Variants in RAPGEF2 observed in about 807,000 individuals in gnomAD.
RAPGEF2 encodes PDZ domain containing guanine nucleotide exchange factor (GEF) 1.
RAPGEF2 carries 54 observed loss-of-function variants against 186.7 expected under a neutral mutation model. The observed-to-expected ratio is 0.29, with a 90% CI of 0.23 to 0.36. The LOEUF (loss-of-function observed/expected upper bound fraction) is 0.36, where lower values mean the gene tolerates loss of function less well. Ranked by LOEUF, RAPGEF2 falls within the 10% of genes least tolerant of loss-of-function variation. The pLI, the probability that RAPGEF2 is intolerant of heterozygous loss-of-function variation, is 1.00. For missense variants in RAPGEF2, 1,532 were observed against 2,045.0 expected (o/e 0.75, Z 4.84); for synonymous variants, 712 against 705.9 (o/e 1.01, Z -0.14).
At chr4:159,160,551 A>G (rs1744599330) in intron 1 of RAPGEF2, among the ~76,000 whole-genome samples, 1 of 152,252 alleles carries the variant, frequency 6.6e-6, no homozygotes, top group Admixed American at 6.5e-5. Context: ...AGCAAACTTC[A>G]GTAGCAATTT....
chr4:159,204,374 T>C (rs1186915286), intron 3 of RAPGEF2, among the ~76,000 whole-genome samples: 1 of 152,110 alleles, frequency 6.6e-6, no homozygotes, highest in Non-Finnish European at 1.5e-5. Flanking sequence ...AGAGTTGGAA[T>C]GAACAGAAGG....
intron 7 of RAPGEF2, among the ~76,000 whole-genome samples, chr4:159,254,889 C>T (rs993424676): frequency 8.5e-5 from 13 of 152,202 alleles, no homozygotes; most frequent in Non-Finnish European, 1.8e-4. Flanking sequence ...GCGTGAGCCA[C>T]CATGCCCCAC....
At chr4:159,213,202 A>G (rs1307023109) in intron 4 of RAPGEF2, among the ~76,000 whole-genome samples, 1 of 152,224 alleles carries the variant, frequency 6.6e-6, no homozygotes, top group Admixed American at 6.5e-5. Context: ...CCTTAGGAAT[A>G]GGACTGAGAT....
At chr4:159,225,891 G>A (rs1751982598) in intron 4 of RAPGEF2, among the ~76,000 whole-genome samples, 1 of 151,776 alleles carries the variant, frequency 6.6e-6, no homozygotes, top group East Asian at 1.9e-4. Flanking sequence ...TTATTTTGTT[G>A]GCTATGTTTT....
intron 6 of RAPGEF2, 100 bp downstream of exon 6, chr4:159,241,468 T>TTA (rs930120519): frequency 2.6e-4 from 134 of 515,700 alleles, no homozygotes; most frequent in Middle Eastern, 1.1e-3. Flanking sequence ...ATCTTTTCAA[T>TTA]TATATATATA....
At chr4:159,199,222 C>G (rs1749144205) in intron 3 of RAPGEF2, among the ~76,000 whole-genome samples, 2 of 152,168 alleles carry the variant, frequency 1.3e-5, no homozygotes, top group African/African-American at 4.8e-5. Context: ...CATGCCCACA[C>G]AGATACTTAC....
rs142078721 is a variant in RAPGEF2, at chr4:159,251,861, C to T, written c.543+8070C>T. 2.8e-3 allele frequency among the ~76,000 whole-genome samples: 419 copies of T among 151,888 alleles called. 1 individual carries two copies. The highest frequency in any genetic ancestry group is 3.8e-3 in the Non-Finnish European group (261 of 67,934). On this transcript the variant is annotated intron_variant, in intron 7 of 29. Coordinates refer to ENST00000691494, the MANE Select transcript of RAPGEF2 (RefSeq NM_001394067.2). ...AGGCTGCCCAGTTTGCCGCCGCGATCTGCTTGGGTTCGTTTCCACAGCGTG... is the reference window on the plus strand; with the variant it reads ...AGGCTGCCCAGTTTGCCGCCGCGATTTGCTTGGGTTCGTTTCCACAGCGTG...
chr4:159,328,895 T>C (rs1477154654), intron 11 of RAPGEF2: 1 of 152,106 alleles, frequency 6.6e-6, no homozygotes, highest in Non-Finnish European at 1.5e-5. Context: ...TTTAAAAAAT[T>C]AATATGAGCA....
At chr4:159,211,812 G>T (rs545389965) in intron 4 of RAPGEF2, among the ~76,000 whole-genome samples, 2 of 152,248 alleles carry the variant, frequency 1.3e-5, no homozygotes, top group African/African-American at 4.8e-5. Flanking sequence ...TAGTCTCTTT[G>T]GAAAATGGTC....
chr4:159,270,637 T>C (rs1758008662), intron 7 of RAPGEF2, among the ~76,000 whole-genome samples: 1 of 152,200 alleles, frequency 6.6e-6, no homozygotes, highest in African/African-American at 2.4e-5. Context: ...GCTTTATTCT[T>C]TATTTGTTGT....
chr4:159,135,247 T>G (rs1410424095), intron 1 of RAPGEF2, among the ~76,000 whole-genome samples: 1 of 152,150 alleles, frequency 6.6e-6, no homozygotes, highest in Non-Finnish European at 1.5e-5. Context: ...TGTTTCACCA[T>G]GTTGCCCAAG....
intron 9 of RAPGEF2, among the ~76,000 whole-genome samples, chr4:159,315,094 C>T (rs1764402651): frequency 1.3e-5 from 2 of 151,062 alleles, no homozygotes; most frequent in South Asian, 2.1e-4. Flanking sequence ...TTAATTTTCT[C>T]GTGAGCACTG....
chr4:159,224,271 C>G (rs1751806751), intron 4 of RAPGEF2, among the ~76,000 whole-genome samples: 1 of 152,122 alleles, frequency 6.6e-6, no homozygotes, highest in Non-Finnish European at 1.5e-5. Flanking sequence ...GTGGCTGAAA[C>G]AGATTTTTTT....
In RAPGEF2 at chr4:159,164,008, G is replaced by GT. The variant is rs879751797; in HGVS notation, c.70-22620dup. ...ATAACATGTATCAGTAGTACTGGTAGTTTTTTTTTTTTTTGAGACGGAGTC... is the reference window on the plus strand; with the variant it reads ...ATAACATGTATCAGTAGTACTGGTAGTTTTTTTTTTTTTTTGAGACGGAGTC... On this transcript the variant is annotated intron_variant, in intron 1 of 29. Transcript: ENST00000691494. 9.5e-3 allele frequency among the ~76,000 whole-genome samples: 1,380 copies of GT among 145,230 alleles called. 2 individuals carry two copies. Among genetic ancestry groups the GT allele is most frequent in the South Asian group, 0.018 (82 of 4,588 alleles).
chr4:159,333,558 T>G (rs1766990669), intron 17 of RAPGEF2, among the ~76,000 whole-genome samples: 1 of 152,214 alleles, frequency 6.6e-6, no homozygotes, highest in African/African-American at 2.4e-5. Context: ...GTAGTCAGAA[T>G]GTCAGGTGTA....
chr4:159,338,518 T>G, intron 18 of RAPGEF2, 50 bp downstream of exon 18: 2 of 1,497,332 alleles, frequency 1.3e-6, no homozygotes, highest in Non-Finnish European at 9.2e-7. Context: ...TCTTTTTATT[T>G]CTAACATAAT....
rs948996656 is a variant in RAPGEF2 at position 159,222,761 on chromosome 4, T to C, written c.281+12178T>C. ...TGTTTAAGAAAGTGTACTCTCTGTA[T>C]TGGGGTCGCTAACAGAAAATAACAA... On this transcript the variant is annotated intron_variant, in intron 4 of 29. Coordinates refer to ENST00000691494, the MANE Select transcript of RAPGEF2 (RefSeq NM_001394067.2). Among the ~76,000 whole-genome samples the C allele has an allele frequency of 6.6e-5, 10 of 152,148 alleles. No homozygotes were observed. The East Asian group carries it at 7.7e-4, about 12-fold the overall frequency.
chr4:159,216,405 A>AG (rs1007689792), intron 4 of RAPGEF2, among the ~76,000 whole-genome samples: 3 of 152,138 alleles, frequency 2.0e-5, no homozygotes, highest in African/African-American at 7.2e-5. Context: ...GTGGCTTTTA[A>AG]GGGGGTATTT....
At chr4:159,315,391 T>TTA (rs57124919) in intron 9 of RAPGEF2, among the ~76,000 whole-genome samples, 13,524 of 152,054 alleles carry the variant, frequency 0.089, 2,008 homozygotes, top group African/African-American at 0.31. Flanking sequence ...GTTGTATAGA[T>TTA]TATTTCATCA....
Sources: allele counts gnomAD v4.1 joint callset (sites outside exome capture counted in the v4.1 genomes callset), GRCh38; gene constraint gnomAD v4.1.1; transcripts MANE v1.5; gene names NCBI Gene and HGNC (gene_info 2026-07-23, HGNC 2026-07-21).